Variants in TENM4 observed in about 807,000 individuals in gnomAD.
TENM4 encodes teneurin-4.
TENM4 carries 82 observed loss-of-function variants against 243.3 expected under a neutral mutation model. The observed-to-expected ratio is 0.34, with a 90% confidence interval of 0.28 to 0.40. The LOEUF (loss-of-function observed/expected upper bound fraction) is 0.40, where lower values mean the gene tolerates loss of function less well. Ranked by LOEUF, TENM4 falls within the 10% of genes least tolerant of loss-of-function variation. The pLI, the probability that TENM4 is intolerant of heterozygous loss-of-function variation, is 1.00. For synonymous variants in TENM4, 1,412 were observed against 1,456.3 expected, an observed-to-expected ratio of 0.97 and a Z score of 0.69; for missense variants, 3,138 against 3,673.3, an observed-to-expected ratio of 0.85 and a Z score of 3.77.
intron 6 of TENM4, among the ~76,000 whole-genome samples, chr11:79,047,035 G>A (rs932017357): frequency 2.6e-5 from 4 of 152,162 alleles, no homozygotes; most frequent in Non-Finnish European, 5.9e-5. Flanking sequence ...ATTACACAGA[G>A]ATAGATAAAC....
intron 9 of TENM4, among the ~76,000 whole-genome samples, chr11:78,876,577 G>C (rs1413623350): frequency 6.6e-6 from 1 of 152,220 alleles, no homozygotes; most frequent in East Asian, 1.9e-4. Context: ...CTCCCAGTTA[G>C]AATGAATTGC....
chr11:78,705,012 C>T (rs947011192), intron 27 of TENM4, among the ~76,000 whole-genome samples: 2 of 152,214 alleles, frequency 1.3e-5, no homozygotes, highest in African/African-American at 2.4e-5. Context: ...TCGCCAGGGC[C>T]GCTGCCGGCC....
At chr11:78,895,670 G>T (rs1290019090) in intron 7 of TENM4, among the ~76,000 whole-genome samples, 4 of 152,168 alleles carry the variant, frequency 2.6e-5, no homozygotes, top group African/African-American at 9.7e-5. Flanking sequence ...GTCACGCAGG[G>T]TCTCCTGCTC....
At position 78,672,091 on chromosome 11, in the gene TENM4, C is replaced by A; in HGVS notation, c.5735G>T (p.Arg1912Leu). Residue 1912 changes from arginine (R) to leucine (L), a missense_variant, in exon 31 of 34, where the codon CGC (arginine) becomes CTC (leucine). This residue lies in a region of TENM4 where 2,467 missense variants were observed against 3,059.1 expected (regional missense o/e 0.81). Transcript: ENST00000278550. ...SERMEYDQAG[R>L]ITSRIFADGK... is the part of the protein sequence containing the mutation. ...ATCAGCGAAGATCCTGGATGTGATG[C>A]GGCCCGCCTGGTCGTATTCCATTCT... is the stretch of plus-strand genomic sequence containing the variant. The A allele has an allele frequency of 1.2e-6, 2 of 1,613,968 alleles. No homozygotes were observed. The highest frequency in any genetic ancestry group is 1.7e-6 in the Non-Finnish European group (2 of 1,179,894).
chr11:79,384,120 G>A (rs867159708), intron 1 of TENM4, among the ~76,000 whole-genome samples: 6 of 152,140 alleles, frequency 3.9e-5, no homozygotes, highest in Admixed American at 6.5e-5. Flanking sequence ...TTCATTCAGT[G>A]CCACAGCAGT....
intron 1 of TENM4, among the ~76,000 whole-genome samples, chr11:79,413,690 C>A (rs937187986): frequency 6.6e-6 from 1 of 151,992 alleles, no homozygotes; most frequent in African/African-American, 2.4e-5. Context: ...AAAAAAAAAG[C>A]CATAAAAACA....
intron 1 of TENM4, among the ~76,000 whole-genome samples, chr11:79,321,200 C>T (rs1247182715): frequency 1.3e-5 from 2 of 152,058 alleles, no homozygotes; most frequent in African/African-American, 4.8e-5. Context: ...TTATCTCATC[C>T]AGCCTGGACA....
intron 17 of TENM4, among the ~76,000 whole-genome samples, chr11:78,771,344 AG>A (rs1225185628): frequency 8.5e-5 from 13 of 152,210 alleles, no homozygotes; most frequent in Admixed American, 8.5e-4. Flanking sequence ...AGGACTTGCC[AG>A]GGTCGCACAG....
chr11:78,896,908 G>A (rs1855812940), intron 7 of TENM4, among the ~76,000 whole-genome samples: 1 of 152,186 alleles, frequency 6.6e-6, no homozygotes, highest in African/African-American at 2.4e-5. Flanking sequence ...TACATGCGCA[G>A]AAGAGTGAAG....
intron 4 of TENM4, among the ~76,000 whole-genome samples, chr11:79,090,171 C>T (rs1205474602): frequency 2.0e-5 from 3 of 152,192 alleles, no homozygotes; most frequent in Admixed American, 6.5e-5. Context: ...TTCTGATGCC[C>T]AATGTCCCTT....
chr11:78,852,834 C>T (rs1858571969), intron 12 of TENM4, among the ~76,000 whole-genome samples: 2 of 152,168 alleles, frequency 1.3e-5, no homozygotes, highest in South Asian at 4.1e-4. Context: ...ACTGCAACCT[C>T]AATCTCCTGG....
At chr11:79,147,396 C>T (rs561481863) in intron 4 of TENM4, among the ~76,000 whole-genome samples, 27 of 152,110 alleles carry the variant, frequency 1.8e-4, no homozygotes, top group Non-Finnish European at 3.4e-4. Context: ...TGCAGCTTCT[C>T]GGACCCACTC....
rs1857870603 is a variant in TENM4 at position 78,655,570 on chromosome 11, G to A, written c.*2488C>T. 1 of 151,992 alleles carries A rather than the reference G, an allele frequency of 6.6e-6. No homozygotes were observed. The highest frequency in any genetic ancestry group is 1.5e-5 in the Non-Finnish European group (1 of 68,024). The allele number at this position is 151,992 out of a possible 1,614,324, so 9.4% of individuals were successfully genotyped here. On this transcript the variant is annotated 3_prime_UTR_variant, in exon 34 of 34. Coordinates refer to ENST00000278550, the MANE Select transcript of TENM4 (RefSeq NM_001098816.3). ...TGAAACACCCAATAATTCTGTTTTT[G>A]ATCCCTAAAAGTCCACCCTATTCCT...
chr11:79,090,810 G>A (rs1232154143), intron 4 of TENM4, among the ~76,000 whole-genome samples: 4 of 152,144 alleles, frequency 2.6e-5, no homozygotes, highest in Admixed American at 2.0e-4. Context: ...TTCAACCGAC[G>A]TCCCTGTGTT....
At chr11:79,096,413 G>T (rs1365000472) in intron 4 of TENM4, 2 of 152,254 alleles carry the variant, frequency 1.3e-5, no homozygotes, top group Non-Finnish European at 2.9e-5. Context: ...TGCCTTTGCT[G>T]GGGGGAAGAT....
At chr11:78,855,791 T>C (rs556866568) in intron 11 of TENM4, among the ~76,000 whole-genome samples, 173 bp downstream of exon 11, 1 of 152,330 alleles carries the variant, frequency 6.6e-6, no homozygotes, top group African/African-American at 2.4e-5. Flanking sequence ...CCCAGTGATA[T>C]AACCTTACTC....
At position 78,708,441 on chromosome 11, in the gene TENM4, T is replaced by G; in HGVS notation, c.4129A>C (p.Ile1377Leu). 7 of 1,614,044 alleles carry G rather than the reference T, an allele frequency of 4.3e-6. No homozygotes were observed. The highest frequency in any genetic ancestry group is 5.9e-6 in the Non-Finnish European group (7 of 1,179,904). ...TTAGAGCCGAGCAGGGTGGAGATGA[T>G]CCCATTCTGATCGATGCGTCTGATC... ...TMIRRIDQNG[I>L]ISTLLGSNDL... Residue 1377 changes from isoleucine to leucine, a missense_variant, in exon 27 of 34, where the codon ATC becomes CTC. Coordinates refer to ENST00000278550, the MANE Select transcript of TENM4 (RefSeq NM_001098816.3).
intron 6 of TENM4, among the ~76,000 whole-genome samples, chr11:78,935,812 T>C (rs545490935): frequency 4.5e-4 from 68 of 152,354 alleles, no homozygotes; most frequent in African/African-American, 1.6e-3. Flanking sequence ...ATGGTTAACT[T>C]ATTTTTAAAA....
At chr11:78,793,872 C>T (rs1489047604) in intron 15 of TENM4, among the ~76,000 whole-genome samples, 1 of 152,214 alleles carries the variant, frequency 6.6e-6, no homozygotes, top group Non-Finnish European at 1.5e-5. Context: ...CAGGTTTAGA[C>T]AATACCTCAG....
Sources: allele counts gnomAD v4.1 joint callset (sites outside exome capture counted in the v4.1 genomes callset), GRCh38; gene constraint gnomAD v4.1.1; regional missense constraint gnomAD v4.1.1; transcripts MANE v1.5; gene names NCBI Gene and HGNC (gene_info 2026-07-23, HGNC 2026-07-21).